The following TTK variants were observed in gnomAD, a reference collection of about 807,000 sequenced individuals.
TTK encodes dual specificity protein kinase TTK.
Under a neutral mutation model 117.3 loss-of-function variants are expected in TTK, and 59 were observed. The observed-to-expected ratio is 0.50, with a 90% CI of 0.41 to 0.62. The LOEUF is 0.62. Among genes scored for constraint, TTK ranks in the 20% least tolerant of loss-of-function variants. The pLI, the probability that TTK is intolerant of heterozygous loss-of-function variation, is 0.00. For missense variants in TTK, 921 were observed against 989.4 expected (o/e 0.93, Z 0.93); for synonymous variants, 302 against 325.0 (o/e 0.93, Z 0.76).
chr6:80,032,449 CAT>C (rs1172519328), intron 14 of TTK, among the ~76,000 whole-genome samples: 1 of 152,182 alleles, frequency 6.6e-6, no homozygotes, highest in Non-Finnish European at 1.5e-5. Context: ...TTTCAAATAA[CAT>C]GTGTATGCTG....
intron 11 of TTK, 95 bp downstream of exon 11, chr6:80,022,567 G>T: frequency 7.7e-7 from 1 of 1,296,802 alleles, no homozygotes; most frequent in Non-Finnish European, 1.0e-6. Flanking sequence ...TATTAAATGT[G>T]TATGATATTT....
At chr6:80,022,157 T>C (rs973501591) in intron 10 of TTK, among the ~76,000 whole-genome samples, 167 bp from the exon 11 acceptor site, 8 of 152,266 alleles carry the variant, frequency 5.3e-5, no homozygotes, top group African/African-American at 1.9e-4. Flanking sequence ...ATTGACTTGC[T>C]AAAAGCAAAT....
chr6:80,011,351 T>A, intron 5 of TTK, 83 bp from the exon 6 acceptor site: 1 of 972,294 alleles, frequency 1.0e-6, no homozygotes, highest in East Asian at 2.7e-5. Flanking sequence ...AATTGACTTT[T>A]AAAATATTCT....
At chr6:80,013,401 G>T (rs780142020) in intron 9 of TTK, 35 bp downstream of exon 9, 9 of 1,525,652 alleles carry the variant, frequency 5.9e-6, no homozygotes, top group African/African-American at 1.4e-5. Flanking sequence ...TAAAGCAAGG[G>T]TTCCTGATCT....
intron 1 of TTK, 117 bp downstream of exon 1, chr6:80,004,830 A>C (rs1376700731): frequency 7.4e-6 from 1 of 135,384 alleles, no homozygotes; most frequent in Non-Finnish European, 1.6e-5. Context: ...GCTCGGAGCC[A>C]GGTATGCGAC....
intron 12 of TTK, 36 bp from the exon 13 acceptor site, chr6:80,027,849 T>C: frequency 2.1e-6 from 3 of 1,408,752 alleles, no homozygotes; most frequent in Non-Finnish European, 2.9e-6. Flanking sequence ...TGTTAAATTG[T>C]AATGTTTTAA....
chr6:80,040,406 A>C, intron 20 of TTK, 126 bp downstream of exon 20: 1 of 937,688 alleles, frequency 1.1e-6, no homozygotes, highest in Non-Finnish European at 1.5e-6. Context: ...TCCTTAAGGA[A>C]GTTCCATTAT....
chr6:80,023,365 G>A (rs180720858), intron 11 of TTK, among the ~76,000 whole-genome samples: 1,585 of 152,282 alleles, frequency 0.01, 37 homozygotes, highest in African/African-American at 0.036. Flanking sequence ...AGGCCAAGGC[G>A]GGCAGATCAC....
chr6:80,010,932 A>T lies in TTK; in HGVS notation c.588A>T (p.Ser196=), dbSNP rs377223785. The T allele has an allele frequency of 5.0e-6, 8 of 1,612,074 alleles. No individual in the cohort carries two copies. In the African/African-American group the frequency reaches 1.1e-4, roughly 22 times the overall value. ...ACCTCCAAAAAAAGCAGCTGCTTTC[A>T]GAGGAGGAAAAGAAGAATTTATCAG... The part of the protein sequence containing the change: ...NLNLQKKQLL[S]EEEKKNLSAS... Residue 196 remains serine, a synonymous_variant, in exon 5 of 22, where the codon TCA becomes TCT. Transcript: ENST00000369798.
rs117518869 is a variant in TTK at position 80,012,836 on chromosome 6, G to A, written c.897-443G>A. The stretch of plus-strand genomic sequence containing the variant: ...TCAAGAATAAAGGAGATTTTCTTCC[G>A]CTCCAAAAAATTAAAAACAAAAACA... On this transcript the variant is annotated intron_variant, in intron 8 of 21. Coordinates refer to ENST00000369798, the MANE Select transcript of TTK (RefSeq NM_003318.5). Among the ~76,000 whole-genome samples the A allele has an allele frequency of 7.1e-3, 1,077 of 151,878 alleles. 7 individuals carry two copies. The highest frequency in any genetic ancestry group is 0.012 in the Non-Finnish European group (825 of 67,886).
At chr6:80,029,914 C>T (rs1767708528) in intron 13 of TTK, among the ~76,000 whole-genome samples, 1 of 152,086 alleles carries the variant, frequency 6.6e-6, no homozygotes, top group South Asian at 2.1e-4. Context: ...TGCTTTCTTC[C>T]CTTGGCAATG....
At position 80,011,767 on chromosome 6, in the gene TTK, G is replaced by A. The variant is rs368343290; in HGVS notation, c.767G>A (p.Arg256Gln). 2.7e-5 allele frequency: 44 copies of A among 1,612,548 alleles called. No homozygotes were observed. Among genetic ancestry groups the A allele is most frequent in the African/African-American group, 8.0e-5 (6 of 74,812 alleles). The change falls in exon 7 of 22, where the codon CGG becomes CAG. Residue 256 changes from arginine to glutamine, a missense_variant. By Grantham distance (43) the Arg-to-Gln change is conservative. Coordinates refer to ENST00000369798, the MANE Select transcript of TTK (RefSeq NM_003318.5). Reference sequence around the variant, plus strand: ...CCACAAGATGCAGAAATAGGTTACCGGAATTCATTGAGACAAACTAACAAA... The same window carrying A: ...CCACAAGATGCAGAAATAGGTTACCAGAATTCATTGAGACAAACTAACAAA... ...MPPQDAEIGY[R>Q]NSLRQTNKTK... is the part of the protein sequence containing the mutation.
chr6:80,005,009 T>C (rs1396522083), intron 1 of TTK: 1 of 152,168 alleles, frequency 6.6e-6, no homozygotes, highest in Non-Finnish European at 1.5e-5. Flanking sequence ...AAGGACAGTC[T>C]CTCTTGTTTT....
chr6:80,031,701 C>T (rs239585), intron 14 of TTK, 142 bp downstream of exon 14: 271,309 of 471,690 alleles, frequency 0.58, 79,992 homozygotes, highest in Admixed American at 0.72. Flanking sequence ...TTAACACCTG[C>T]CTTTCTCTTC....
chr6:80,009,631 T>TA (rs1326322920), intron 4 of TTK, among the ~76,000 whole-genome samples: 1 of 152,066 alleles, frequency 6.6e-6, no homozygotes, highest in African/African-American at 2.4e-5. Context: ...GAGTTATCTG[T>TA]AAAAAAGACG....
intron 14 of TTK, among the ~76,000 whole-genome samples, chr6:80,033,466 T>C (rs239587): frequency 0.62 from 93,862 of 151,930 alleles, 29,442 homozygotes; most frequent in Admixed American, 0.73. Flanking sequence ...TTTGTGTCCC[T>C]CTGCACTTGA....
rs1767120309 is a variant in TTK at position 80,010,762 on chromosome 6, G to C, written c.470-52G>C. 6.6e-6 allele frequency: 5 copies of C among 762,768 alleles called. No homozygotes were observed. In the South Asian group the frequency reaches 1.2e-4, roughly 18 times the overall value. 47.2% of individuals were successfully genotyped at this position (762,768 alleles called of 1,614,324 possible). On this transcript the variant is annotated intron_variant, in intron 4 of 21. Transcript: ENST00000369798. The stretch of plus-strand genomic sequence containing the variant: ...GATGAATACGTATCTGGGTGGTCTG[G>C]GTGGTGGGCATTTTACTGCCTAAAA...
Position 80,022,321 on chromosome 6 carries a change from C to T in TTK, c.1109-3C>T, listed in dbSNP as rs1336675705. 6.2e-7 allele frequency: 1 copy of T among 1,604,840 alleles called. No individual in the cohort carries two copies. The highest frequency in any genetic ancestry group is 1.7e-5 in the Admixed American group (1 of 57,696). Reference sequence around the variant, plus strand: ...TTTTTAATGACAACAAATACAATTTCAGAAACTAAAGAGTATCAAGAACCA... The same window carrying T: ...TTTTTAATGACAACAAATACAATTTTAGAAACTAAAGAGTATCAAGAACCA... On this transcript the variant is annotated splice_polypyrimidine_tract_variant and splice_region_variant and intron_variant, in intron 10 of 21. Transcript: ENST00000369798.
At position 80,039,887 on chromosome 6, in the gene TTK, A is replaced by C; in HGVS notation, c.2307+15A>C. ...ATGTGTTAAAGGTAATATTAATTTC[A>C]TGTAACTAATTATTTACTTAAAAGA... On this transcript the variant is annotated intron_variant, in intron 19 of 21. Coordinates refer to ENST00000369798, the MANE Select transcript of TTK (RefSeq NM_003318.5). 2 of 1,470,888 alleles carry C rather than the reference A, an allele frequency of 1.4e-6. No individual in the cohort carries two copies. Among genetic ancestry groups the C allele is most frequent in the Non-Finnish European group, 1.8e-6 (2 of 1,105,984 alleles). 91.1% of individuals were successfully genotyped at this position (1,470,888 alleles called of 1,614,324 possible). A position where few individuals can be genotyped will look rare whatever the true frequency, so the allele number is the denominator to read the frequency against.
Sources: gnomAD v4.1 joint callset for allele counts (sites outside exome capture counted in the v4.1 genomes callset) on GRCh38, gnomAD v4.1.1 for gene constraint, MANE v1.5 for transcripts, NCBI Gene and HGNC (gene_info 2026-07-23, HGNC 2026-07-21) for gene names.